The following LPIN2 variants were observed in gnomAD, a reference collection of about 807,000 sequenced individuals.
LPIN2 encodes the protein lipin 2.
Under a neutral mutation model 111.4 loss-of-function variants are expected in LPIN2, and 55 were observed. The ratio of observed to expected loss-of-function variants is 0.49; its 90% CI spans 0.40 to 0.62. The LOEUF (loss-of-function observed/expected upper bound fraction) is 0.62, where lower values mean the gene tolerates loss of function less well. LPIN2 is among the 20% of genes least tolerant of loss of function. The probability of loss-of-function intolerance (pLI) is 0.00; values close to 1 mark genes in which losing one functional copy is unlikely to be tolerated. For synonymous variants in LPIN2, 425 were observed against 414.0 expected (o/e 1.03, Z -0.32); for missense variants, 992 against 1,112.1 (o/e 0.89, Z 1.54).
chr18:2,998,728 A>G (rs1176256219), intron 1 of LPIN2, among the ~76,000 whole-genome samples: 1 of 152,222 alleles, frequency 6.6e-6, no homozygotes, highest in Non-Finnish European at 1.5e-5. Context: ...CATATCTGAA[A>G]AAAGAAATAG....
chr18:3,001,171 C>A (rs769307114), intron 1 of LPIN2, among the ~76,000 whole-genome samples: 12 of 152,158 alleles, frequency 7.9e-5, no homozygotes, highest in Non-Finnish European at 1.6e-4. Context: ...TCCCTGTAAA[C>A]CCTTTCTCAA....
chr18:2,990,799 G>T (rs1459153233), intron 1 of LPIN2: 8 of 389,516 alleles, frequency 2.1e-5, no homozygotes, highest in Non-Finnish European at 3.1e-5. Flanking sequence ...AATAAGGGTT[G>T]CACTTCAACA....
intron 1 of LPIN2, chr18:2,982,813 A>G (rs1169596818): frequency 3.2e-6 from 3 of 950,468 alleles, no homozygotes; most frequent in Non-Finnish European, 3.0e-6. Context: ...ATGAAGGTAT[A>G]TAATCAAAAC....
rs1250574811 is a variant in LPIN2, at chr18:2,917,488, T to C, written c.*2805A>G. 4 of 152,242 alleles carry C rather than the reference T, an allele frequency of 2.6e-5. No individual in the cohort carries two copies. Among genetic ancestry groups the C allele is most frequent in the Non-Finnish European group, 5.9e-5 (4 of 68,044 alleles). The allele number at this position is 152,242 out of a possible 1,614,324, so 9.4% of individuals were successfully genotyped here. A position where few individuals can be genotyped will look rare whatever the true frequency, so the allele number is the denominator to read the frequency against. On this transcript the variant is annotated 3_prime_UTR_variant, in exon 20 of 20. Coordinates refer to ENST00000677752, the MANE Select transcript of LPIN2 (RefSeq NM_001375808.2). The stretch of plus-strand genomic sequence containing the variant: ...GAAGGGCTGTGTGCAGGCCCCACAG[T>C]TGCAGGGGCTGTTCCGGGCCAGCGC...
At chr18:3,012,825 C>A (rs1228887861) in intron 1 of LPIN2, among the ~76,000 whole-genome samples, 3 of 151,740 alleles carry the variant, frequency 2.0e-5, no homozygotes, top group African/African-American at 7.3e-5. Flanking sequence ...GCTCCCCGCG[C>A]ACCCCGCCGG....
rs529801578 is a variant in LPIN2 at position 3,008,906 on chromosome 18, C to T, written c.-10+4181G>A. Among the ~76,000 whole-genome samples, 240 of 131,834 alleles carry T rather than the reference C, an allele frequency of 1.8e-3. 2 individuals are homozygous for T. The South Asian group carries it at 0.031, about 17-fold the overall frequency. 86.5% of individuals were successfully genotyped at this position (131,834 alleles called of 152,430 possible). On this transcript the variant is annotated intron_variant, in intron 1 of 19. Coordinates refer to ENST00000677752, the MANE Select transcript of LPIN2 (RefSeq NM_001375808.2). ...TTTTTTTTTTTTTTTTTTGGAGAGA[C>T]AGGGTCTTGCCATGTTGTCCAGGCT...
intron 4 of LPIN2, among the ~76,000 whole-genome samples, chr18:2,945,109 C>T (rs1183587270): frequency 1.3e-5 from 2 of 151,976 alleles, no homozygotes; most frequent in East Asian, 1.9e-4. Flanking sequence ...TTTCAAGTAC[C>T]GTAAGAACAC....
intron 1 of LPIN2, among the ~76,000 whole-genome samples, chr18:2,973,185 A>G (rs1367205038): frequency 1.3e-5 from 2 of 151,984 alleles, no homozygotes; most frequent in Non-Finnish European, 2.9e-5. Flanking sequence ...TTCAAAATAG[A>G]TTTTTCTTAA....
chr18:2,946,458 G>T, intron 4 of LPIN2: 1 of 1,467,518 alleles, frequency 6.8e-7, no homozygotes, highest in Non-Finnish European at 9.5e-7. Flanking sequence ...ACGCCTGGGT[G>T]ATATGTGCAA....
At chr18:2,972,839 C>A (rs1212097288) in intron 1 of LPIN2, among the ~76,000 whole-genome samples, 1 of 152,150 alleles carries the variant, frequency 6.6e-6, no homozygotes, top group Non-Finnish European at 1.5e-5. Context: ...GAAAATAAAA[C>A]CTTGTCATGA....
chr18:2,976,711 ACTTT>A (rs1387216525), intron 1 of LPIN2, among the ~76,000 whole-genome samples: 1 of 152,196 alleles, frequency 6.6e-6, no homozygotes, highest in African/African-American at 2.4e-5. Flanking sequence ...CAGGGGACTT[ACTTT>A]ACTAATGAGA....
rs1159911876 is a variant in LPIN2 at position 2,927,763 on chromosome 18, G to A, written c.1669C>T (p.Arg557Cys). 9 of 1,614,110 alleles carry A rather than the reference G, an allele frequency of 5.6e-6. No homozygotes were observed. Among genetic ancestry groups the A allele is most frequent in the Admixed American group, 1.7e-5 (1 of 60,028 alleles). The change falls in exon 12 of 20, where the codon CGC becomes TGC. Residue 557 changes from arginine (R) to cysteine (C), a missense_variant. Around this residue, in one of 4 missense-constraint regions of LPIN2, gnomAD observed 709 missense variants for 753.2 expected, o/e 0.94. Coordinates refer to ENST00000677752, the MANE Select transcript of LPIN2 (RefSeq NM_001375808.2). ...VKDKMPKKSG[R>C]WWFWRKRESM... is the part of the protein sequence containing the mutation. ...TCTCTCTTTCGCCAAAACCACCAGCGACCAGATTTCTTTGGCATCTTGTCT... is the reference window on the plus strand; with the variant it reads ...TCTCTCTTTCGCCAAAACCACCAGCAACCAGATTTCTTTGGCATCTTGTCT...
At chr18:2,990,391 T>A (rs985844419) in intron 1 of LPIN2, among the ~76,000 whole-genome samples, 10 of 152,092 alleles carry the variant, frequency 6.6e-5, no homozygotes, top group African/African-American at 2.2e-4. Flanking sequence ...TATTTGCAAA[T>A]TGGGGAGTTT....
At position 2,927,786 on chromosome 18, in the gene LPIN2, T is replaced by G. The variant is rs1445698802; in HGVS notation, c.1646A>C (p.Asp549Ala). 2 of 1,614,210 alleles carry G rather than the reference T, an allele frequency of 1.2e-6. No individual in the cohort carries two copies. The highest frequency in any genetic ancestry group is 2.2e-5 in the East Asian group (1 of 44,884). The change falls in exon 12 of 20, where the codon GAC (aspartate) becomes GCC (alanine). Residue 549 changes from aspartate to alanine, a missense_variant. Around this residue, in one of 4 missense-constraint regions of LPIN2, gnomAD observed 709 missense variants for 753.2 expected, o/e 0.94. Coordinates refer to ENST00000677752, the MANE Select transcript of LPIN2 (RefSeq NM_001375808.2). ...PKATVESWVK[D>A]KMPKKSGRWW... ...GCGACCAGATTTCTTTGGCATCTTG[T>G]CTTTCACCCAGGACTCAACTGTGGC...
At chr18:2,974,917 A>C (rs1261925078) in intron 1 of LPIN2, among the ~76,000 whole-genome samples, 2 of 152,174 alleles carry the variant, frequency 1.3e-5, no homozygotes, top group Non-Finnish European at 2.9e-5. Context: ...GGAATGCCTG[A>C]GCCAGGGTAG....
Position 2,931,359 on chromosome 18 carries a change from A to T in LPIN2, c.1353T>A (p.Ala451=), listed in dbSNP as rs1427331421. 5 of 1,613,910 alleles carry T rather than the reference A, an allele frequency of 3.1e-6. No homozygotes were observed. The highest frequency in any genetic ancestry group is 4.2e-6 in the Non-Finnish European group (5 of 1,179,930). The change falls in exon 9 of 20, where the codon GCT becomes GCA. Residue 451 remains alanine (A), a synonymous_variant. Transcript: ENST00000677752. ...SQSPQSVGSA[A]ADSGTECLSD... Reference sequence around the variant, plus strand: ...AGAGGCACTCGGTGCCGCTATCTGCAGCTGCGCTTCCCACGGACTGTGGGG... The same window carrying T: ...AGAGGCACTCGGTGCCGCTATCTGCTGCTGCGCTTCCCACGGACTGTGGGG...
chr18:2,923,981 T>C, intron 15 of LPIN2, 120 bp from the exon 16 acceptor site: 3 of 821,078 alleles, frequency 3.7e-6, no homozygotes, highest in Non-Finnish European at 6.2e-6. Flanking sequence ...TGAAAGGGGA[T>C]TTAATCACAG....
At chr18:2,937,618 A>G in intron 7 of LPIN2, 74 bp downstream of exon 7, 1 of 1,199,320 alleles carries the variant, frequency 8.3e-7, no homozygotes, top group Non-Finnish European at 1.2e-6. Context: ...GGCAGCCATC[A>G]CGTTATGTGG....
chr18:2,948,344 C>CA lies in LPIN2; in HGVS notation c.590+2710dup, dbSNP rs1465605785. 5 of 152,334 alleles carry CA rather than the reference C, an allele frequency of 3.3e-5. No individual in the cohort carries two copies. In the East Asian group the frequency reaches 7.7e-4, roughly 23 times the overall value. The allele number at this position is 152,334 out of a possible 1,614,324, so 9.4% of individuals were successfully genotyped here. ...CTGGCAGCCATTCATACCTGTCAAA[C>CA]ACATCAGTACACAGTGGATACAGCC... On this transcript the variant is annotated intron_variant, in intron 4 of 19. Transcript: ENST00000677752.
Sources: gnomAD v4.1 joint callset for allele counts (sites outside exome capture counted in the v4.1 genomes callset) on GRCh38, gnomAD v4.1.1 for gene constraint, gnomAD v4.1.1 regional missense constraint, MANE v1.5 for transcripts, NCBI Gene and HGNC (gene_info 2026-07-23, HGNC 2026-07-21) for gene names.